CDHR3: variants seen among roughly 807,000 people sequenced by gnomAD.
The protein encoded by CDHR3 is cadherin related family member 3, also known as cadherin-related family member 3.
A neutral mutation model predicts 86.6 loss-of-function variants in CDHR3; 79 were observed. The ratio of observed to expected loss-of-function variants is 0.91; its 90% confidence interval spans 0.76 to 1.10. CDHR3 has a LOEUF of 1.10. CDHR3 is among the 50% of genes least tolerant of loss of function. The probability of loss-of-function intolerance (pLI) is 0.00; values close to 1 mark genes in which losing one functional copy is unlikely to be tolerated. For missense variants in CDHR3, 1,081 were observed against 1,077.6 expected (o/e 1.00, Z -0.04); for synonymous variants, 421 against 402.4 (o/e 1.05, Z -0.55).
chr7:106,002,717 T>A (rs1833387853), intron 7 of CDHR3, among the ~76,000 whole-genome samples: 1 of 152,220 alleles, frequency 6.6e-6, no homozygotes, highest in Admixed American at 6.5e-5. Flanking sequence ...TGAAGCCACT[T>A]ACGTAATTTC....
At chr7:106,014,019 G>T (rs973592706) in intron 9 of CDHR3, among the ~76,000 whole-genome samples, 1 of 152,098 alleles carries the variant, frequency 6.6e-6, no homozygotes, top group South Asian at 2.1e-4. Flanking sequence ...GGAGTGCAGT[G>T]GTTCAATCAT....
intron 1 of CDHR3, 114 bp from the exon 2 acceptor site, chr7:105,974,730 A>G (rs1828531289): frequency 1.3e-6 from 1 of 752,278 alleles, no homozygotes; most frequent in African/African-American, 1.7e-5. Flanking sequence ...GGGAGTGACC[A>G]GCTCTCATCG....
chr7:105,967,084 C>T (rs865891724), intron 1 of CDHR3, among the ~76,000 whole-genome samples: 12 of 152,090 alleles, frequency 7.9e-5, no homozygotes, highest in African/African-American at 2.9e-4. Context: ...AGGTATATCT[C>T]CTAATGCTAT....
At position 106,001,508 on chromosome 7, in the gene CDHR3, A is replaced by T. The variant is rs755521299; in HGVS notation, c.760A>T (p.Ile254Phe). The stretch of plus-strand genomic sequence containing the variant: ...CCTGGAGGAACTGAGTCCAGGAACC[A>T]TCGTGGCCAATATCACAGCGGAGGA... ...TVLEELSPGT[I>F]VANITAEDPD... Residue 254 changes from isoleucine to phenylalanine, a missense_variant, in exon 7 of 19, where the codon ATC becomes TTC. Transcript: ENST00000317716. 6.2e-7 allele frequency: 1 copy of T among 1,614,050 alleles called. No homozygotes were observed. Among genetic ancestry groups the T allele is most frequent in the South Asian group, 1.1e-5 (1 of 91,082 alleles).
intron 1 of CDHR3, among the ~76,000 whole-genome samples, chr7:105,969,876 C>G (rs567591513): frequency 7.9e-5 from 12 of 152,146 alleles, no homozygotes; most frequent in Non-Finnish European, 1.2e-4. Context: ...GCAAAGGAAC[C>G]CTGTTTAGTG....
At chr7:106,022,149 ACT>A in intron 13 of CDHR3, 47 bp from the exon 14 acceptor site, 1 of 1,602,114 alleles carries the variant, frequency 6.2e-7, no homozygotes, top group Admixed American at 1.7e-5. Context: ...TTTATTTCTT[ACT>A]CTCTTTTCTT....
At chr7:105,975,629 G>T (rs1828684703) in intron 2 of CDHR3, among the ~76,000 whole-genome samples, 1 of 152,144 alleles carries the variant, frequency 6.6e-6, no homozygotes, top group South Asian at 2.1e-4. Flanking sequence ...TTTGTCATTT[G>T]AATCTTTTCC....
intron 8 of CDHR3, among the ~76,000 whole-genome samples, chr7:106,011,086 G>T (rs1354696324): frequency 6.6e-6 from 1 of 152,128 alleles, no homozygotes; most frequent in Admixed American, 6.5e-5. Flanking sequence ...GGTCTTCCAG[G>T]CACATTCTCA....
chr7:106,012,158 G>C (rs1404579196), intron 8 of CDHR3, among the ~76,000 whole-genome samples: 3 of 151,886 alleles, frequency 2.0e-5, no homozygotes, highest in Non-Finnish European at 4.4e-5. Context: ...CAAGAAAAAA[G>C]CAAAGATCTT....
intron 8 of CDHR3, among the ~76,000 whole-genome samples, chr7:106,009,710 G>A (rs1395834764): frequency 6.6e-6 from 1 of 152,178 alleles, no homozygotes; most frequent in Non-Finnish European, 1.5e-5. Context: ...TCGTACCGTG[G>A]CCCCTGAGGC....
chr7:106,035,628 A>G lies in CDHR3; in HGVS notation c.*2931A>G, dbSNP rs1838855216. ...GCCCAGATACAGTCTTCTCAGTCCA[A>G]ATACCCCTTGGAGGTTTCCCCTTGG... is the stretch of plus-strand genomic sequence containing the variant. On this transcript the variant is annotated 3_prime_UTR_variant, in exon 19 of 19. Transcript: ENST00000317716. Among the ~76,000 whole-genome samples, 1 of 152,108 alleles carries G rather than the reference A, an allele frequency of 6.6e-6. No individual in the cohort carries two copies. The highest frequency in any genetic ancestry group is 1.5e-5 in the Non-Finnish European group (1 of 68,022).
At chr7:106,025,229 C>A (rs548361011) in intron 15 of CDHR3, among the ~76,000 whole-genome samples, 68 of 152,312 alleles carry the variant, frequency 4.5e-4, no homozygotes, top group African/African-American at 1.3e-3. Flanking sequence ...CAGAGCCAAG[C>A]TCCTTGATTC....
chr7:106,016,885 C>T (rs1363047203), intron 11 of CDHR3, among the ~76,000 whole-genome samples: 2 of 152,170 alleles, frequency 1.3e-5, no homozygotes, highest in Non-Finnish European at 2.9e-5. Context: ...TACTGCAGTT[C>T]TTTTTGATCA....
chr7:106,032,680 C>T lies in CDHR3; in HGVS notation c.2641C>T (p.Pro881Ser). 6.2e-7 allele frequency: 1 copy of T among 1,611,754 alleles called. No individual in the cohort carries two copies. Among genetic ancestry groups the T allele is most frequent in the Non-Finnish European group, 8.5e-7 (1 of 1,178,484 alleles). ...PAFMNRAYPK[P>S]HPGK ...CTTCATGAACAGGGCTTACCCCAAA[C>T]CACACCCAGGAAAGTAAACGGGGTC... Residue 881 changes from proline (P) to serine (S), a missense_variant, in exon 19 of 19, where the codon CCA becomes TCA. Coordinates refer to ENST00000317716, the MANE Select transcript of CDHR3 (RefSeq NM_152750.5).
chr7:106,010,418 G>T (rs779729985), intron 8 of CDHR3, among the ~76,000 whole-genome samples: 4 of 152,310 alleles, frequency 2.6e-5, no homozygotes, highest in South Asian at 2.1e-4. Context: ...TTAATAAGTG[G>T]TGTCTCTTCT....
intron 9 of CDHR3, among the ~76,000 whole-genome samples, chr7:106,014,255 C>G (rs1180321375): frequency 2.6e-5 from 4 of 152,136 alleles, no homozygotes; most frequent in Non-Finnish European, 5.9e-5. Context: ...ATTTTAGATA[C>G]AGTAGTGCTC....
At chr7:105,970,100 T>G (rs1198362762) in intron 1 of CDHR3, among the ~76,000 whole-genome samples, 1 of 152,156 alleles carries the variant, frequency 6.6e-6, no homozygotes, top group East Asian at 1.9e-4. Flanking sequence ...AGGTAGCTAT[T>G]GAGTGATGGT....
chr7:105,979,808 T>G (rs1316302484), intron 2 of CDHR3, among the ~76,000 whole-genome samples: 1 of 152,198 alleles, frequency 6.6e-6, no homozygotes, highest in Non-Finnish European at 1.5e-5. Flanking sequence ...CTGACATAAT[T>G]AAGGACATAC....
At chr7:106,022,160 T>G (rs1836663806) in intron 13 of CDHR3, 38 bp from the exon 14 acceptor site, 2 of 1,608,352 alleles carry the variant, frequency 1.2e-6, no homozygotes, top group Non-Finnish European at 1.7e-6. Context: ...CTCTCTTTTC[T>G]TCCTTTTACC....
Sources: allele counts gnomAD v4.1 joint callset (sites outside exome capture counted in the v4.1 genomes callset), GRCh38; gene constraint gnomAD v4.1.1; transcripts MANE v1.5; gene names NCBI Gene and HGNC (gene_info 2026-07-23, HGNC 2026-07-21).